The following SPTBN1 variants were observed in gnomAD, a reference collection of about 807,000 sequenced individuals.
SPTBN1 encodes the protein spectrin beta chain, non-erythrocytic 1.
SPTBN1 carries 32 observed loss-of-function variants against 266.4 expected under a neutral mutation model. The ratio of observed to expected loss-of-function variants is 0.12; its 90% CI spans 0.09 to 0.16. The LOEUF is 0.16. Ranked by LOEUF, SPTBN1 falls within the 10% of genes least tolerant of loss-of-function variation. The pLI is 1.00. For synonymous variants in SPTBN1, 1,336 were observed against 1,162.2 expected (o/e 1.15, Z -3.04); for missense variants, 2,296 against 3,067.1 (o/e 0.75, Z 5.94).
chr2:54,474,898 C>T (rs998231438), intron 1 of SPTBN1, among the ~76,000 whole-genome samples: 4 of 152,086 alleles, frequency 2.6e-5, no homozygotes, highest in Non-Finnish European at 4.4e-5. Context: ...GTAGGCTGGG[C>T]GCAGTGGCTC....
intron 2 of SPTBN1, among the ~76,000 whole-genome samples, chr2:54,547,984 A>G (rs377062618): frequency 6.6e-6 from 1 of 152,170 alleles, no homozygotes; most frequent in South Asian, 2.1e-4. Flanking sequence ...TCTACTAAAA[A>G]TACAAAAAAT....
intron 32 of SPTBN1, chr2:54,661,313 A>G: frequency 2.0e-6 from 2 of 985,910 alleles, no homozygotes; most frequent in Non-Finnish European, 2.4e-6. Flanking sequence ...TTATACATCA[A>G]AACCTTGTGA....
At chr2:54,537,724 G>T (rs1041500699) in intron 2 of SPTBN1, among the ~76,000 whole-genome samples, 1 of 152,220 alleles carries the variant, frequency 6.6e-6, no homozygotes, top group Non-Finnish European at 1.5e-5. Context: ...TAGTGACCTT[G>T]TGTAAGTGGG....
At chr2:54,572,917 G>A (rs886829748) in intron 2 of SPTBN1, among the ~76,000 whole-genome samples, 4 of 152,164 alleles carry the variant, frequency 2.6e-5, no homozygotes, top group Admixed American at 6.5e-5. Context: ...TGTGACCCAC[G>A]GCCCAGGAGC....
chr2:54,667,956 C>A (rs1312370564), intron 35 of SPTBN1, among the ~76,000 whole-genome samples: 2 of 152,208 alleles, frequency 1.3e-5, no homozygotes, highest in Non-Finnish European at 2.9e-5. Flanking sequence ...CCCCGCTGCA[C>A]CCTTCGCCAG....
intron 1 of SPTBN1, among the ~76,000 whole-genome samples, chr2:54,521,771 A>G (rs998239458): frequency 6.6e-6 from 1 of 151,938 alleles, no homozygotes; most frequent in African/African-American, 2.4e-5. Flanking sequence ...TGATCTGGCC[A>G]CCGTGGCCTC....
At chr2:54,602,032 G>A (rs1447596979) in intron 3 of SPTBN1, among the ~76,000 whole-genome samples, 1 of 152,188 alleles carries the variant, frequency 6.6e-6, no homozygotes, top group African/African-American at 2.4e-5. Flanking sequence ...AGAAGTGTCT[G>A]CTCCCTCTCG....
At chr2:54,582,907 G>C (rs7556752) in intron 2 of SPTBN1, among the ~76,000 whole-genome samples, 51,651 of 152,048 alleles carry the variant, frequency 0.34, 11,271 homozygotes, top group African/African-American at 0.63. Flanking sequence ...AAATATGTTT[G>C]GTGGTAAGAG....
intron 2 of SPTBN1, among the ~76,000 whole-genome samples, chr2:54,592,679 G>A (rs1049321623): frequency 1.1e-4 from 17 of 152,316 alleles, no homozygotes; most frequent in African/African-American, 3.6e-4. Context: ...GTGAGCCAAC[G>A]CGCCCAGCTA....
At chr2:54,637,368 G>A (rs1416322458) in intron 17 of SPTBN1, among the ~76,000 whole-genome samples, 3 of 152,104 alleles carry the variant, frequency 2.0e-5, no homozygotes, top group African/African-American at 4.8e-5. Flanking sequence ...TTGAAAATAA[G>A]TTTCCACTTC....
chr2:54,541,236 C>G (rs762974468), intron 2 of SPTBN1, among the ~76,000 whole-genome samples: 1 of 152,198 alleles, frequency 6.6e-6, no homozygotes, highest in East Asian at 1.9e-4. Context: ...TATGAACATA[C>G]ACACTTTTAT....
At chr2:54,573,484 G>A (rs1347025968) in intron 2 of SPTBN1, among the ~76,000 whole-genome samples, 1 of 152,182 alleles carries the variant, frequency 6.6e-6, no homozygotes, top group African/African-American at 2.4e-5. Flanking sequence ...ACCTCCTGCT[G>A]TGTGGCCGGT....
Position 54,657,951 on chromosome 2 carries a change from G to A in SPTBN1, c.6148G>A (p.Asp2050Asn). The A allele has an allele frequency of 6.2e-7, 1 of 1,614,266 alleles. No homozygotes were observed. Among genetic ancestry groups the A allele is most frequent in the Non-Finnish European group, 8.5e-7 (1 of 1,180,054 alleles). The change falls in exon 30 of 36, where the codon GAC (aspartate) becomes AAC (asparagine). Residue 2050 changes from aspartate (D) to asparagine (N), a missense_variant. Physicochemically the swap from Asp to Asn is conservative, Grantham distance 23. Around this residue, in one of 12 missense-constraint regions of SPTBN1, gnomAD observed 644 missense variants for 745.3 expected, o/e 0.86. Coordinates refer to ENST00000356805, the MANE Select transcript of SPTBN1 (RefSeq NM_003128.3). Reference sequence around the variant, plus strand: ...CAGCCGAGAGATAGGCCAGAGCGTGGACGAGGTGGAGAAGCTCATCAAGCG... The same window carrying A: ...CAGCCGAGAGATAGGCCAGAGCGTGAACGAGGTGGAGAAGCTCATCAAGCG... ...LSSREIGQSVDEVEKLIKRHE... is the reference protein window; with the variant it reads ...LSSREIGQSVNEVEKLIKRHE...
intron 2 of SPTBN1, among the ~76,000 whole-genome samples, chr2:54,562,736 T>TGTG: frequency 1.4e-5 from 1 of 69,012 alleles, no homozygotes; most frequent in African/African-American, 1.1e-4. Flanking sequence ...GTGTGTGTGT[T>TGTG]TTGTAGAGAC....
chr2:54,557,660 G>A, intron 2 of SPTBN1: 1 of 940,616 alleles, frequency 1.1e-6, no homozygotes, highest in Non-Finnish European at 1.3e-6. Flanking sequence ...GATCTCGGCG[G>A]TGTTTACCTG....
intron 3 of SPTBN1, among the ~76,000 whole-genome samples, chr2:54,603,969 A>C (rs1459193706): frequency 2.0e-5 from 3 of 152,208 alleles, no homozygotes; most frequent in African/African-American, 7.2e-5. Flanking sequence ...CTGTCCTGCA[A>C]CACCCTGTAG....
At chr2:54,491,961 A>C (rs1240440306) in intron 1 of SPTBN1, among the ~76,000 whole-genome samples, 1 of 152,200 alleles carries the variant, frequency 6.6e-6, no homozygotes, top group South Asian at 2.1e-4. Flanking sequence ...CCTTAAAGAA[A>C]TAGGCAGCAT....
intron 11 of SPTBN1, among the ~76,000 whole-genome samples, chr2:54,625,530 A>G (rs1484586520): frequency 7.5e-6 from 1 of 133,956 alleles, no homozygotes; most frequent in Admixed American, 7.8e-5. Context: ...TCAAGATTTC[A>G]TGTCTGTTCT....
chr2:54,529,102 T>A (rs1671030386), intron 2 of SPTBN1, among the ~76,000 whole-genome samples: 1 of 152,212 alleles, frequency 6.6e-6, no homozygotes, highest in Non-Finnish European at 1.5e-5. Flanking sequence ...AGAGGGCTTG[T>A]TAAAGCACGG....
Sources: gnomAD v4.1 joint callset for allele counts (sites outside exome capture counted in the v4.1 genomes callset) on GRCh38, gnomAD v4.1.1 for gene constraint, gnomAD v4.1.1 regional missense constraint, MANE v1.5 for transcripts, NCBI Gene and HGNC (gene_info 2026-07-23, HGNC 2026-07-21) for gene names.